The following CTNND2 variants were observed in gnomAD, a reference collection of about 807,000 sequenced individuals.
CTNND2 encodes catenin delta-2.
In CTNND2, 22 loss-of-function variants were observed where a neutral mutation model predicts 144.4. The observed-to-expected ratio is 0.15, with a 90% CI of 0.11 to 0.22. CTNND2 has a LOEUF of 0.22. Among genes scored for constraint, CTNND2 ranks in the 10% least tolerant of loss-of-function variants. The pLI, the probability that CTNND2 is intolerant of heterozygous loss-of-function variation, is 1.00. For synonymous variants in CTNND2, 751 were observed against 695.6 expected (o/e 1.08, Z -1.25); for missense variants, 1,353 against 1,618.8 (o/e 0.84, Z 2.82).
intron 2 of CTNND2, among the ~76,000 whole-genome samples, chr5:11,668,479 T>C (rs368112635): frequency 5.9e-5 from 9 of 152,148 alleles, no homozygotes; most frequent in South Asian, 2.1e-4. Context: ...AGGTCCTTCA[T>C]ATCCCTTGTA....
At chr5:11,226,888 T>TG (rs1320257085) in intron 10 of CTNND2, among the ~76,000 whole-genome samples, 1 of 152,242 alleles carries the variant, frequency 6.6e-6, no homozygotes, top group African/African-American at 2.4e-5. Flanking sequence ...AGCTGCTCAG[T>TG]GATTATCTGT....
rs567341356 is a variant in CTNND2, at chr5:11,299,193, C to T, written c.1628+47179G>A. On this transcript the variant is annotated intron_variant, in intron 9 of 21. Coordinates refer to ENST00000304623, the MANE Select transcript of CTNND2 (RefSeq NM_001332.4). ...GATCTGTTTTGTTTTCCTAGCTGTTCTTTGGTTTTGGACTGGCTTTTCTTC... is the reference window on the plus strand; with the variant it reads ...GATCTGTTTTGTTTTCCTAGCTGTTTTTTGGTTTTGGACTGGCTTTTCTTC... 4.6e-5 allele frequency among the ~76,000 whole-genome samples: 7 copies of T among 152,238 alleles called. No homozygotes were observed. The South Asian group carries it at 1.2e-3, about 27-fold the overall frequency.
chr5:11,810,966 T>C (rs574616386), intron 1 of CTNND2, among the ~76,000 whole-genome samples: 44 of 152,302 alleles, frequency 2.9e-4, no homozygotes, highest in African/African-American at 9.6e-4. Flanking sequence ...AATTTTACTG[T>C]AGTTTGTGCT....
At chr5:11,180,337 TTA>T (rs1174184109) in intron 11 of CTNND2, among the ~76,000 whole-genome samples, 1 of 152,204 alleles carries the variant, frequency 6.6e-6, no homozygotes, top group African/African-American at 2.4e-5. Flanking sequence ...CTTCTTTCCT[TTA>T]TAAATTACCC....
At chr5:11,303,757 G>A (rs1212771355) in intron 9 of CTNND2, among the ~76,000 whole-genome samples, 2 of 152,124 alleles carry the variant, frequency 1.3e-5, no homozygotes. Context: ...GTTACTGAGG[G>A]TATCTTGAAT....
intron 3 of CTNND2, among the ~76,000 whole-genome samples, chr5:11,520,928 T>C (rs1389455759): frequency 6.6e-6 from 1 of 152,338 alleles, no homozygotes; most frequent in Non-Finnish European, 1.5e-5. Flanking sequence ...GATGCAACAA[T>C]GTGATTATAT....
chr5:11,603,882 T>A (rs1398574314), intron 2 of CTNND2, among the ~76,000 whole-genome samples: 1 of 152,218 alleles, frequency 6.6e-6, no homozygotes, highest in African/African-American at 2.4e-5. Context: ...ATATTTGATA[T>A]CTGCTTCTCT....
At chr5:11,012,414 A>G (rs1741190046) in intron 18 of CTNND2, among the ~76,000 whole-genome samples, 1 of 152,232 alleles carries the variant, frequency 6.6e-6, no homozygotes, top group South Asian at 2.1e-4. Flanking sequence ...GCTTCCAGAG[A>G]ACATGCTGCC....
intron 1 of CTNND2, among the ~76,000 whole-genome samples, chr5:11,739,673 G>A (rs1236911601): frequency 6.6e-6 from 1 of 152,118 alleles, no homozygotes; most frequent in Non-Finnish European, 1.5e-5. Flanking sequence ...TCCTATTATA[G>A]TGTTGGAAGT....
chr5:11,313,902 G>A (rs1038276250), intron 9 of CTNND2, among the ~76,000 whole-genome samples: 5 of 152,076 alleles, frequency 3.3e-5, no homozygotes, highest in African/African-American at 1.2e-4. Flanking sequence ...GGAAGAGCGA[G>A]CAAATGGGGA....
chr5:11,587,494 G>C (rs1445874455), intron 2 of CTNND2, among the ~76,000 whole-genome samples: 1 of 151,832 alleles, frequency 6.6e-6, no homozygotes, highest in Admixed American at 6.6e-5. Context: ...CCATGGGTAG[G>C]CAATTAACAT....
At chr5:11,463,713 A>G (rs1313867099) in intron 3 of CTNND2, among the ~76,000 whole-genome samples, 1 of 152,064 alleles carries the variant, frequency 6.6e-6, no homozygotes, top group South Asian at 2.1e-4. Flanking sequence ...AGGATTCTTT[A>G]TATCATGACG....
chr5:11,341,329 A>G (rs1754257422), intron 9 of CTNND2, among the ~76,000 whole-genome samples: 1 of 152,238 alleles, frequency 6.6e-6, no homozygotes. Context: ...TTACTCAAAG[A>G]AAAATAAAAT....
chr5:11,586,734 A>G (rs1778891388), intron 2 of CTNND2, among the ~76,000 whole-genome samples: 2 of 152,228 alleles, frequency 1.3e-5, no homozygotes, highest in Admixed American at 6.5e-5. Context: ...GCAAATATAT[A>G]TTTTTAAACA....
intron 1 of CTNND2, among the ~76,000 whole-genome samples, chr5:11,832,978 T>C (rs1793986341): frequency 6.6e-6 from 1 of 151,956 alleles, no homozygotes; most frequent in Non-Finnish European, 1.5e-5. Flanking sequence ...AAATTATATA[T>C]ATTCCACACA....
intron 1 of CTNND2, among the ~76,000 whole-genome samples, chr5:11,864,538 C>T (rs1287014633): frequency 6.6e-6 from 1 of 152,174 alleles, no homozygotes; most frequent in Non-Finnish European, 1.5e-5. Flanking sequence ...GACTCTCCAG[C>T]AGACCTAGGA....
chr5:11,434,822 T>C (rs1763615537), intron 3 of CTNND2, among the ~76,000 whole-genome samples: 1 of 152,158 alleles, frequency 6.6e-6, no homozygotes, highest in Non-Finnish European at 1.5e-5. Context: ...ATGACTCCCA[T>C]ATCCCAGGCT....
chr5:11,333,710 G>A (rs16901503), intron 9 of CTNND2, among the ~76,000 whole-genome samples: 15,173 of 152,222 alleles, frequency 0.1, 909 homozygotes, highest in East Asian at 0.28. Context: ...TCTGGGAGCT[G>A]ACCTGGAAGA....
intron 13 of CTNND2, among the ~76,000 whole-genome samples, chr5:11,114,861 A>G (rs1235294044): frequency 6.6e-6 from 1 of 152,096 alleles, no homozygotes; most frequent in Non-Finnish European, 1.5e-5. Flanking sequence ...GCGGCCAAGC[A>G]GAGGGCTGAG....
Sources: allele counts gnomAD v4.1 joint callset (sites outside exome capture counted in the v4.1 genomes callset), GRCh38; gene constraint gnomAD v4.1.1; transcripts MANE v1.5; gene names NCBI Gene and HGNC (gene_info 2026-07-23, HGNC 2026-07-21).